Variants in ASXL1 observed in about 807,000 individuals in gnomAD.
ASXL1 encodes polycomb group protein ASXL1.
Under a neutral mutation model 89.1 loss-of-function variants are expected in ASXL1, and 65 were observed. The ratio of observed to expected loss-of-function variants is 0.73; its 90% CI spans 0.60 to 0.90. The LOEUF (loss-of-function observed/expected upper bound fraction) is 0.90, where lower values mean the gene tolerates loss of function less well. Ranked by LOEUF, ASXL1 falls within the 40% of genes least tolerant of loss-of-function variation. The pLI is 0.00. For missense variants in ASXL1, 1,786 were observed against 1,942.9 expected (o/e 0.92, Z 1.52); for synonymous variants, 739 against 746.9 (o/e 0.99, Z 0.17).
At chr20:32,364,497 T>G (rs1368803575) in intron 1 of ASXL1, among the ~76,000 whole-genome samples, 1 of 152,116 alleles carries the variant, frequency 6.6e-6, no homozygotes, top group African/African-American at 2.4e-5. Context: ...GGATTACAGG[T>G]GTGACCCACT....
chr20:32,363,288 C>G (rs1234326549), intron 1 of ASXL1, among the ~76,000 whole-genome samples: 2 of 152,042 alleles, frequency 1.3e-5, no homozygotes, highest in Non-Finnish European at 2.9e-5. Context: ...AAAAATTCGC[C>G]AGCTCAGCTT....
intron 4 of ASXL1, among the ~76,000 whole-genome samples, chr20:32,374,600 T>C (rs1331070229): frequency 6.6e-6 from 1 of 152,152 alleles, no homozygotes; most frequent in African/African-American, 2.4e-5. Flanking sequence ...CGGCCCCTTA[T>C]TCTTTTTGAA....
chr20:32,361,255 G>A (rs2122771943), intron 1 of ASXL1, among the ~76,000 whole-genome samples: 1 of 152,312 alleles, frequency 6.6e-6, no homozygotes, highest in Non-Finnish European at 1.5e-5. Context: ...GCTGAGGATA[G>A]CTTAGGCCGA....
chr20:32,361,845 C>A (rs1455706058), intron 1 of ASXL1, among the ~76,000 whole-genome samples: 58 of 151,976 alleles, frequency 3.8e-4, no homozygotes, highest in African/African-American at 1.3e-3. Flanking sequence ...GCAGACGGAT[C>A]ACCTGAGGCC....
rs78736577 is a variant in ASXL1, at chr20:32,399,206, G to A, written c.253-28922G>A. On this transcript the variant is annotated intron_variant, in intron 4 of 12. Coordinates refer to ENST00000375687, the MANE Select transcript of ASXL1 (RefSeq NM_015338.6). Reference sequence around the variant, plus strand: ...AGCCTGGGCGACAAGAGCAAGACTCGTTTCAAAGAAAAAAAAAAGAATACG... The same window carrying A: ...AGCCTGGGCGACAAGAGCAAGACTCATTTCAAAGAAAAAAAAAAGAATACG... 2.7e-4 allele frequency among the ~76,000 whole-genome samples: 41 copies of A among 150,394 alleles called. 1 individual carries two copies. The highest frequency in any genetic ancestry group is 9.0e-4 in the African/African-American group (37 of 40,994).
chr20:32,414,463 A>C (rs949279986), intron 4 of ASXL1, among the ~76,000 whole-genome samples: 1 of 151,936 alleles, frequency 6.6e-6, no homozygotes, highest in African/African-American at 2.4e-5. Flanking sequence ...GGTCCCGACT[A>C]CTGGGGAGGC....
rs1223598379 is a variant in ASXL1 at position 32,438,143 on chromosome 20, G to A, written c.*805G>A. ...ACCCTATGGGAGTGGGCATCTCCAC[G>A]CACCTGTGTATGTGAAAGTCATTTT... On this transcript the variant is annotated 3_prime_UTR_variant, in exon 13 of 13. Coordinates refer to ENST00000375687, the MANE Select transcript of ASXL1 (RefSeq NM_015338.6). The A allele has an allele frequency of 4.3e-6, 1 of 233,328 alleles. No individual in the cohort carries two copies. The highest frequency in any genetic ancestry group is 6.0e-5 in the East Asian group (1 of 16,578). The allele number at this position is 233,328 out of a possible 1,614,324, so 14.5% of individuals were successfully genotyped here. A position where few individuals can be genotyped will look rare whatever the true frequency, so the allele number is the denominator to read the frequency against.
intron 4 of ASXL1, 136 bp from the exon 5 acceptor site, chr20:32,427,991 AG>A: frequency 8.1e-7 from 1 of 1,234,804 alleles, no homozygotes; most frequent in Admixed American, 2.0e-5. Flanking sequence ...GCTGAGAAAA[AG>A]GTCAGTTAGA....
chr20:32,423,807 C>T (rs2011202487), intron 4 of ASXL1, among the ~76,000 whole-genome samples: 1 of 152,148 alleles, frequency 6.6e-6, no homozygotes, highest in Admixed American at 6.6e-5. Flanking sequence ...GCTTGGCCTC[C>T]CAAAATGCTG....
chr20:32,380,014 G>A (rs1021280047), intron 4 of ASXL1, among the ~76,000 whole-genome samples: 6 of 151,902 alleles, frequency 3.9e-5, no homozygotes, highest in Non-Finnish European at 7.4e-5. Context: ...GGGCATGGTG[G>A]CTCACCCCTG....
intron 4 of ASXL1, among the ~76,000 whole-genome samples, chr20:32,398,700 G>C (rs1224813672): frequency 6.9e-6 from 1 of 145,126 alleles, no homozygotes; most frequent in Non-Finnish European, 1.5e-5. Flanking sequence ...AGCTCCACCT[G>C]CCGGGTTCAC....
intron 4 of ASXL1, among the ~76,000 whole-genome samples, chr20:32,426,171 TC>T (rs2011277024): frequency 6.6e-6 from 1 of 152,266 alleles, no homozygotes; most frequent in Non-Finnish European, 1.5e-5. Context: ...ATTTTTCATG[TC>T]CTGTGTAAAT....
intron 10 of ASXL1, chr20:32,432,583 C>G (rs2011552005): frequency 2.7e-6 from 1 of 370,138 alleles, no homozygotes. Flanking sequence ...TTAAGTAGGC[C>G]TTTCTAAGAG....
intron 4 of ASXL1, among the ~76,000 whole-genome samples, chr20:32,420,479 A>C (rs957024328): frequency 7.2e-5 from 11 of 152,056 alleles, no homozygotes; most frequent in African/African-American, 2.7e-4. Context: ...TGGTTTACTT[A>C]TTACAGATGG....
chr20:32,383,048 AC>A lies in ASXL1; in HGVS notation c.252+13928del, dbSNP rs67597120. The stretch of plus-strand genomic sequence containing the variant: ...GGCTGAGTTGAGGTTAGAACCCAGG[AC>A]CCAATCTTTGATTTGATTTCTTTTC... On this transcript the variant is annotated intron_variant, in intron 4 of 12. Transcript: ENST00000375687. 6.3e-3 allele frequency among the ~76,000 whole-genome samples: 961 copies of A among 152,282 alleles called. 4 individuals are homozygous for A. The highest frequency in any genetic ancestry group is 0.011 in the Non-Finnish European group (728 of 68,020).
At position 32,429,300 on chromosome 20, in the gene ASXL1, T is replaced by C. The variant is rs781228146; in HGVS notation, c.472-38T>C. The stretch of plus-strand genomic sequence containing the variant: ...AGGGAATGCTTTTGTGGCTCTGCAG[T>C]TGACTTGGGCTCTCTTTTGTTCTCT... On this transcript the variant is annotated intron_variant, in intron 6 of 12. Transcript: ENST00000375687. The surrounding 1 kb of genome is among the most constrained non-coding windows in gnomAD (Gnocchi z 4.9). 13 of 1,599,542 alleles carry C rather than the reference T, an allele frequency of 8.1e-6. No individual in the cohort carries two copies. Among genetic ancestry groups the C allele is most frequent in the South Asian group, 7.7e-5 (7 of 90,350 alleles).
At position 32,433,482 on chromosome 20, in the gene ASXL1, G is replaced by T. The variant is rs763119722; in HGVS notation, c.1284G>T (p.Gln428His). Residue 428 changes from glutamine (Q) to histidine (H), a missense_variant, in exon 12 of 13, where the codon CAG (glutamine) becomes CAT (histidine). Around this residue, in one of 3 missense-constraint regions of ASXL1, gnomAD observed 1,418 missense variants for 1,427.8 expected, o/e 0.99. Coordinates refer to ENST00000375687, the MANE Select transcript of ASXL1 (RefSeq NM_015338.6). ...TRARRNLYKK[Q>H]ESEQAGVAKD... ...CCAGAAGGAATCTGTACAAAAAACA[G>T]GAGTCAGAACAAGCAGGGGTTGCTA... 6.2e-7 allele frequency: 1 copy of T among 1,614,176 alleles called. No homozygotes were observed. The highest frequency in any genetic ancestry group is 8.5e-7 in the Non-Finnish European group (1 of 1,180,028).
Position 32,434,786 on chromosome 20 carries a change from C to T in ASXL1, c.2074C>T (p.Gln692Ter), listed in dbSNP as rs1478929932. 6.2e-7 allele frequency: 1 copy of T among 1,613,928 alleles called. No individual in the cohort carries two copies. Among genetic ancestry groups the T allele is most frequent in the Non-Finnish European group, 8.5e-7 (1 of 1,180,018 alleles). The stretch of plus-strand genomic sequence containing the variant: ...CCCTGGAAAGTGTACGTCAGATCTA[C>T]AGCGAACACAACTACTGCCGCCTTA... The part of the protein sequence containing the change: ...STPGKCTSDL[Q>*]RTQLLPPYPL... The change falls in exon 13 of 13, where the codon CAG (glutamine) becomes TAG (stop). Residue 692 changes from glutamine (Q) to a stop codon, truncating the protein, a stop_gained. Transcript: ENST00000375687. LOFTEE classifies it low-confidence loss of function (END_TRUNC).
chr20:32,366,315 C>T (rs541952116), intron 1 of ASXL1, 69 bp from the exon 2 acceptor site: 1 of 1,358,418 alleles, frequency 7.4e-7, no homozygotes, highest in South Asian at 1.2e-5. Flanking sequence ...AACTTTAGCC[C>T]ATGATATATG....
Sources: gnomAD v4.1 joint callset for allele counts (sites outside exome capture counted in the v4.1 genomes callset) on GRCh38, gnomAD v4.1.1 for gene constraint, gnomAD v4.1.1 regional missense constraint, Gnocchi (gnomAD v3.1) non-coding constraint, MANE v1.5 for transcripts, NCBI Gene and HGNC (gene_info 2026-07-23, HGNC 2026-07-21) for gene names.